Variants in ANK2 observed in about 807,000 individuals in gnomAD.
ANK2 encodes the protein ankyrin-2.
Under a neutral mutation model 360.5 loss-of-function variants are expected in ANK2, and 83 were observed. The observed-to-expected ratio is 0.23, with a 90% CI of 0.19 to 0.28. The LOEUF (loss-of-function observed/expected upper bound fraction) is 0.28. Among genes scored for constraint, ANK2 ranks in the 10% least tolerant of loss-of-function variants. The probability of loss-of-function intolerance (pLI) is 1.00; values close to 1 mark genes in which losing one functional copy is unlikely to be tolerated. For synonymous variants in ANK2, 1,740 were observed against 1,759.5 expected (o/e 0.99, Z 0.28); for missense variants, 4,201 against 4,795.7 (o/e 0.88, Z 3.66).
chr4:113,298,235 A>G (rs1399338688), intron 22 of ANK2, among the ~76,000 whole-genome samples: 1 of 152,240 alleles, frequency 6.6e-6, no homozygotes, highest in Non-Finnish European at 1.5e-5. Flanking sequence ...GAAAAAAAAC[A>G]GTATTTACAT....
At chr4:112,972,613 C>A (rs1368770333) in intron 2 of ANK2, among the ~76,000 whole-genome samples, 2 of 152,038 alleles carry the variant, frequency 1.3e-5, no homozygotes, top group Non-Finnish European at 2.9e-5. Flanking sequence ...TTACATATAG[C>A]AAATATGGGG....
At chr4:113,366,838 A>G (rs903256123) in intron 41 of ANK2, among the ~76,000 whole-genome samples, 1 of 152,114 alleles carries the variant, frequency 6.6e-6, no homozygotes, top group Non-Finnish European at 1.5e-5. Context: ...TTCAGTGGGG[A>G]CGGAAGCTTT....
chr4:112,952,831 A>G (rs2095112142), intron 2 of ANK2, among the ~76,000 whole-genome samples: 1 of 152,134 alleles, frequency 6.6e-6, no homozygotes. Context: ...ACCCTCCTAC[A>G]AATCTGTAAG....
the ANK2 span, chr4:112,788,385 C>G: frequency 6.3e-7 from 1 of 1,577,446 alleles, no homozygotes; most frequent in Non-Finnish European, 8.6e-7. Context: ...AAGAAGACAG[C>G]CAGCTCGATG....
chr4:113,120,703 A>G (rs149768891), intron 1 of ANK2, among the ~76,000 whole-genome samples: 1,643 of 152,184 alleles, frequency 0.011, 30 homozygotes, highest in African/African-American at 0.036. Context: ...TTATTTCATC[A>G]CCCAGGTGTT....
intron 2 of ANK2, among the ~76,000 whole-genome samples, chr4:113,192,796 T>C (rs945934782): frequency 6.6e-6 from 1 of 152,054 alleles, no homozygotes; most frequent in Non-Finnish European, 1.5e-5. Flanking sequence ...TTCTCAGCAC[T>C]CATAACCTCT....
At position 113,356,235 on chromosome 4, in the gene ANK2, C is replaced by T; in HGVS notation, c.7617C>T (p.Asp2539=). 1.2e-6 allele frequency: 2 copies of T among 1,614,020 alleles called. No individual in the cohort carries two copies. The highest frequency in any genetic ancestry group is 1.7e-6 in the Non-Finnish European group (2 of 1,179,986). The change falls in exon 38 of 46, where the codon GAC becomes GAT. Residue 2539 remains aspartate (D), a synonymous_variant. Coordinates refer to ENST00000357077, the MANE Select transcript of ANK2 (RefSeq NM_001148.6). ...CAGGGAAGAGCCCCCTTTCTCCTGA[C>T]ACCCCCAGCTCTGAAGAAGTCAGCT... ...ESSGKSPLSP[D]TPSSEEVSYE...
At chr4:113,158,567 G>A (rs2097388139) in intron 1 of ANK2, among the ~76,000 whole-genome samples, 1 of 152,178 alleles carries the variant, frequency 6.6e-6, no homozygotes. Flanking sequence ...TTGGTGGAAT[G>A]CCACAGGGTT....
chr4:113,263,926 G>A (rs900454730), intron 13 of ANK2, among the ~76,000 whole-genome samples: 6 of 152,128 alleles, frequency 3.9e-5, no homozygotes, highest in African/African-American at 1.4e-4. Flanking sequence ...TACTTGATGA[G>A]AAAATTCTCT....
intron 2 of ANK2, among the ~76,000 whole-genome samples, chr4:112,963,233 G>C (rs2035681606): frequency 1.3e-5 from 2 of 152,034 alleles, no homozygotes; most frequent in Non-Finnish European, 1.5e-5. Context: ...CCAAATACTT[G>C]TTGGTTTTTC....
In ANK2 at chr4:113,358,886, A is replaced by C. The variant is rs1564065017; in HGVS notation, c.10268A>C (p.Glu3423Ala). 1 of 1,614,076 alleles carries C rather than the reference A, an allele frequency of 6.2e-7. No individual in the cohort carries two copies. Among genetic ancestry groups the C allele is most frequent in the South Asian group, 1.1e-5 (1 of 91,078 alleles). Residue 3423 changes from glutamate to alanine, a missense_variant, in exon 38 of 46, where the codon GAA becomes GCA. Physicochemically the swap from Glu to Ala is moderately radical, Grantham distance 107. Coordinates refer to ENST00000357077, the MANE Select transcript of ANK2 (RefSeq NM_001148.6). Reference sequence around the variant, plus strand: ...ACAGAGAGCAGAGAGAGGGCCGAGGAACTTGAGTTAGAATCAGAAGAAGGG... The same window carrying C: ...ACAGAGAGCAGAGAGAGGGCCGAGGCACTTGAGTTAGAATCAGAAGAAGGG... Reference protein sequence around the residue: ...TETESRERAEELELESEEGAT... With the variant: ...TETESRERAEALELESEEGAT...
In ANK2 at chr4:113,332,124, C is replaced by A. The variant is rs2092606030; in HGVS notation, c.3224+54C>A. ...CTGCTGGCCCCCCATTCTTCTCCTT[C>A]TTCTGCAATATGATTTCTCTTTTTT... On this transcript the variant is annotated intron_variant, in intron 28 of 45. Transcript: ENST00000357077. 8 of 1,426,934 alleles carry A rather than the reference C, an allele frequency of 5.6e-6. No individual in the cohort carries two copies. In the South Asian group the frequency reaches 9.2e-5, roughly 16 times the overall value. The allele number at this position is 1,426,934 out of a possible 1,614,324, so 88.4% of individuals were successfully genotyped here. A position where few individuals can be genotyped will look rare whatever the true frequency, so the allele number is the denominator to read the frequency against.
At chr4:113,163,187 A>G (rs988029985) in intron 1 of ANK2, among the ~76,000 whole-genome samples, 23 of 152,288 alleles carry the variant, frequency 1.5e-4, no homozygotes, top group African/African-American at 5.5e-4. Context: ...GGCTGGCATG[A>G]TGGGAGTGAG....
At chr4:112,710,990 A>G in the ANK2 span, among the ~76,000 whole-genome samples, 4 of 149,610 alleles carry the variant, frequency 2.7e-5, no homozygotes, top group African/African-American at 4.9e-5. Context: ...ATATTTTACT[A>G]TGTTGTCCAG....
At chr4:113,209,193 G>T (rs1163808195) in intron 4 of ANK2, among the ~76,000 whole-genome samples, 1 of 151,934 alleles carries the variant, frequency 6.6e-6, no homozygotes, top group Non-Finnish European at 1.5e-5. Context: ...GTTATGGGAG[G>T]GGGAGAAGGC....
At chr4:113,092,317 G>T (rs972437363) in intron 1 of ANK2, among the ~76,000 whole-genome samples, 1 of 152,160 alleles carries the variant, frequency 6.6e-6, no homozygotes, top group Non-Finnish European at 1.5e-5. Context: ...TGACTTCAAG[G>T]ACTGAACCAT....
At position 113,264,372 on chromosome 4, in the gene ANK2, C is replaced by T. The variant is rs549069961; in HGVS notation, c.1387-525C>T. 4.6e-5 allele frequency among the ~76,000 whole-genome samples: 7 copies of T among 152,246 alleles called. No individual in the cohort carries two copies. In the East Asian group the frequency reaches 9.6e-4, roughly 21 times the overall value. On this transcript the variant is annotated intron_variant, in intron 13 of 45. Transcript: ENST00000357077. The stretch of plus-strand genomic sequence containing the variant: ...ATCACATAGTTAAGTGAGACAATGA[C>T]AGATTTTTAGGTTTTTAGGGTAAAA...
In ANK2 at chr4:112,843,672, A is replaced by T. The variant is rs529235301; in HGVS notation, c.-40+25408A>T. 7.6e-4 allele frequency among the ~76,000 whole-genome samples: 116 copies of T among 152,076 alleles called. 1 individual carries two copies. Among genetic ancestry groups the T allele is most frequent in the Non-Finnish European group, 1.1e-3 (73 of 67,986 alleles). ...TGAATGAATTTCCCAAAAAATGAAA[A>T]TTTTTTTTCTTTTTCTCTCTTTTTT... is the stretch of plus-strand genomic sequence containing the variant. On this transcript the variant is annotated intron_variant, in intron 1 of 30. Coordinates refer to the ANK2 transcript ENST00000503271.
chr4:113,041,816 A>C (rs2063029894), intron 2 of ANK2, among the ~76,000 whole-genome samples: 1 of 152,146 alleles, frequency 6.6e-6, no homozygotes, highest in Non-Finnish European at 1.5e-5. Context: ...GTGAGGGCCC[A>C]GGTCCACTTT....
Sources: gnomAD v4.1 joint callset for allele counts (sites outside exome capture counted in the v4.1 genomes callset) on GRCh38, gnomAD v4.1.1 for gene constraint, MANE v1.5 for transcripts, NCBI Gene and HGNC (gene_info 2026-07-23, HGNC 2026-07-21) for gene names.